RAP1A: variants seen among roughly 807,000 people sequenced by gnomAD.
The protein encoded by RAP1A is ras-related protein Rap-1A.
Under a neutral mutation model 26.4 loss-of-function variants are expected in RAP1A, and 6 were observed. The ratio of observed to expected loss-of-function variants is 0.23; its 90% CI spans 0.12 to 0.45. RAP1A has a LOEUF of 0.45. RAP1A is among the 20% of genes least tolerant of loss of function. The pLI is 0.99. For missense variants in RAP1A, 121 were observed against 217.2 expected (o/e 0.56, Z 2.78); for synonymous variants, 73 against 79.4 (o/e 0.92, Z 0.43).
intron 1 of RAP1A, among the ~76,000 whole-genome samples, chr1:111,682,454 T>C (rs1661327399): frequency 6.8e-6 from 1 of 146,932 alleles, no homozygotes; most frequent in South Asian, 2.1e-4. Flanking sequence ...AAGACACACA[T>C]AGGCCCAAAA....
At chr1:111,555,877 C>T (rs58775894) in intron 1 of RAP1A, among the ~76,000 whole-genome samples, 3,818 of 152,052 alleles carry the variant, frequency 0.025, 155 homozygotes, top group African/African-American at 0.087. Context: ...GATATGACAC[C>T]AAAAGCAAAG....
intron 1 of RAP1A, among the ~76,000 whole-genome samples, chr1:111,665,280 T>G (rs1660770221): frequency 6.6e-6 from 1 of 152,218 alleles, no homozygotes; most frequent in East Asian, 1.9e-4. Context: ...AATTTATACT[T>G]TTTCATTAGC....
intron 1 of RAP1A, among the ~76,000 whole-genome samples, chr1:111,678,186 T>C (rs114950981): frequency 1.3e-5 from 2 of 152,236 alleles, no homozygotes; most frequent in Non-Finnish European, 2.9e-5. Flanking sequence ...TGATTGAGTT[T>C]GCATTGAATC....
intron 1 of RAP1A, among the ~76,000 whole-genome samples, chr1:111,612,626 C>T (rs1029858930): frequency 2.0e-5 from 3 of 152,068 alleles, no homozygotes; most frequent in Non-Finnish European, 2.9e-5. Context: ...ACTGTATTGC[C>T]GCTCAAATCA....
At chr1:111,542,849 A>C (rs1450620500) in intron 1 of RAP1A, among the ~76,000 whole-genome samples, 1 of 152,032 alleles carries the variant, frequency 6.6e-6, no homozygotes, top group Non-Finnish European at 1.5e-5. Context: ...GGCATGAACC[A>C]CCATGGCTGG....
chr1:111,571,980 G>A (rs1021482584), intron 1 of RAP1A, among the ~76,000 whole-genome samples: 1 of 151,724 alleles, frequency 6.6e-6, no homozygotes, highest in Admixed American at 6.6e-5. Flanking sequence ...TGAGCTAACA[G>A]AATGACAGAA....
At chr1:111,596,280 A>G (rs961742991) in intron 1 of RAP1A, among the ~76,000 whole-genome samples, 2 of 151,982 alleles carry the variant, frequency 1.3e-5, no homozygotes, top group African/African-American at 4.8e-5. Context: ...TGGATGAGGA[A>G]CTCTTCCATG....
intron 1 of RAP1A, among the ~76,000 whole-genome samples, chr1:111,594,532 AGAAG>A (rs1453428543): frequency 4.3e-4 from 62 of 144,664 alleles, no homozygotes; most frequent in African/African-American, 1.5e-3. Flanking sequence ...GGGAAAGGGA[AGAAG>A]GAAGGAAGAA....
chr1:111,606,669 C>G (rs763983517), intron 1 of RAP1A, among the ~76,000 whole-genome samples: 1 of 152,194 alleles, frequency 6.6e-6, no homozygotes. Context: ...GGGAGATTAT[C>G]AGGCAGCAAG....
intron 1 of RAP1A, among the ~76,000 whole-genome samples, chr1:111,688,573 G>T (rs996848362): frequency 6.6e-6 from 1 of 151,870 alleles, no homozygotes; most frequent in African/African-American, 2.4e-5. Context: ...GCCCACCTTG[G>T]CCTCCGAAAG....
intron 2 of RAP1A, among the ~76,000 whole-genome samples, chr1:111,692,003 G>C (rs1208556289): frequency 6.6e-6 from 1 of 152,188 alleles, no homozygotes; most frequent in Non-Finnish European, 1.5e-5. Context: ...TAATTTAGAA[G>C]AAAGGCAGAG....
chr1:111,620,281 G>C (rs892299306), intron 1 of RAP1A, among the ~76,000 whole-genome samples: 3 of 152,250 alleles, frequency 2.0e-5, no homozygotes, highest in African/African-American at 7.2e-5. Flanking sequence ...CATAGCACAA[G>C]CCCATTTCCC....
intron 1 of RAP1A, among the ~76,000 whole-genome samples, chr1:111,601,589 C>T (rs952007849): frequency 1.3e-5 from 2 of 152,108 alleles, no homozygotes; most frequent in Non-Finnish European, 2.9e-5. Context: ...AGTAGAGAAA[C>T]AAACACTCAG....
At position 111,712,908 on chromosome 1, in the gene RAP1A, T is replaced by A. The variant is rs1163713523; in HGVS notation, c.*507T>A. On this transcript the variant is annotated 3_prime_UTR_variant, in exon 8 of 8. Transcript: ENST00000369709. Reference sequence around the variant, plus strand: ...TTTATATTTAAAAAATTATGGAATATCATCTGTCATTATATTCTAATTAAA... The same window carrying A: ...TTTATATTTAAAAAATTATGGAATAACATCTGTCATTATATTCTAATTAAA... 6.6e-6 allele frequency: 1 copy of A among 152,508 alleles called. No individual in the cohort carries two copies. The highest frequency in any genetic ancestry group is 2.4e-5 in the African/African-American group (1 of 41,460). 9.4% of individuals were successfully genotyped at this position (152,508 alleles called of 1,614,324 possible).
chr1:111,712,165 G>A (rs1358707154), intron 7 of RAP1A, among the ~76,000 whole-genome samples: 3 of 152,048 alleles, frequency 2.0e-5, no homozygotes, highest in African/African-American at 7.2e-5. Flanking sequence ...CTATAATTGA[G>A]TATAACTAAG....
At chr1:111,652,481 GTT>G (rs951160995) in intron 1 of RAP1A, among the ~76,000 whole-genome samples, 4 of 146,686 alleles carry the variant, frequency 2.7e-5, no homozygotes, top group Non-Finnish European at 3.0e-5. Context: ...TTTTTAAAGA[GTT>G]TTTTTTTTTT....
At chr1:111,544,778 A>T (rs925967793) in intron 1 of RAP1A, among the ~76,000 whole-genome samples, 2 of 150,752 alleles carry the variant, frequency 1.3e-5, no homozygotes, top group Non-Finnish European at 3.0e-5. Context: ...TTTGGTACAT[A>T]CCCAATTTCT....
At chr1:111,561,758 G>A (rs1657747116) in intron 1 of RAP1A, among the ~76,000 whole-genome samples, 1 of 152,142 alleles carries the variant, frequency 6.6e-6, no homozygotes, top group Non-Finnish European at 1.5e-5. Context: ...GTGTATGTGT[G>A]TGTACGTATA....
chr1:111,595,058 G>C (rs1385558464), intron 1 of RAP1A, among the ~76,000 whole-genome samples: 1 of 152,166 alleles, frequency 6.6e-6, no homozygotes, highest in Non-Finnish European at 1.5e-5. Context: ...TTATCATATA[G>C]AAAATTATGC....
Sources: gnomAD v4.1 joint callset for allele counts (sites outside exome capture counted in the v4.1 genomes callset) on GRCh38, gnomAD v4.1.1 for gene constraint, MANE v1.5 for transcripts, NCBI Gene and HGNC (gene_info 2026-07-23, HGNC 2026-07-21) for gene names.